Variants in RFX1 observed in about 807,000 individuals in gnomAD.
RFX1 encodes MHC class II regulatory factor RFX1.
Under a neutral mutation model 119.6 loss-of-function variants are expected in RFX1, and 42 were observed. The ratio of observed to expected loss-of-function variants is 0.35; its 90% CI spans 0.27 to 0.45. The LOEUF (loss-of-function observed/expected upper bound fraction) is 0.45, where lower values mean the gene tolerates loss of function less well. Ranked by LOEUF, RFX1 falls within the 20% of genes least tolerant of loss-of-function variation. The pLI is 1.00. For synonymous variants in RFX1, 628 were observed against 618.5 expected, an observed-to-expected ratio of 1.02 and a Z score of -0.23; for missense variants, 1,118 against 1,368.1, an observed-to-expected ratio of 0.82 and a Z score of 2.88.
intron 18 of RFX1, 96 bp downstream of exon 18, chr19:13,963,442 C>G: frequency 7.0e-7 from 1 of 1,433,680 alleles, no homozygotes; most frequent in Non-Finnish European, 9.4e-7. Flanking sequence ...CCCGCCCAGC[C>G]TGCAGGCTCG....
chr19:13,972,848 G>A lies in RFX1; in HGVS notation c.1209C>T (p.Thr403=), dbSNP rs375616246. 2.9e-5 allele frequency: 46 copies of A among 1,576,696 alleles called. No individual in the cohort carries two copies. The highest frequency in any genetic ancestry group is 5.4e-5 in the African/African-American group (4 of 73,938). Reference sequence around the variant, plus strand: ...TGCCTGCTCCGCTGCCGCCGCCTCCGGTGCTGCCACTGCCACCCCCGCCAC... The same window carrying A: ...TGCCTGCTCCGCTGCCGCCGCCTCCAGTGCTGCCACTGCCACCCCCGCCAC... ...GGGGGGGSGS[T]GGGGSGAGTY... The change falls in exon 9 of 21, where the codon ACC becomes ACT. Residue 403 remains threonine, a synonymous_variant. Transcript: ENST00000254325.
intron 2 of RFX1, among the ~76,000 whole-genome samples, chr19:13,987,340 A>G (rs1418613861): frequency 6.6e-6 from 1 of 152,136 alleles, no homozygotes; most frequent in Non-Finnish European, 1.5e-5. Context: ...AGTCACCTTT[A>G]GGCAGGGCAG....
chr19:13,989,147 G>A (rs1210094021), intron 2 of RFX1, among the ~76,000 whole-genome samples: 1 of 152,112 alleles, frequency 6.6e-6, no homozygotes, highest in African/African-American at 2.4e-5. Context: ...GAGGGTCTGG[G>A]GCAGGGAGTG....
In RFX1 at chr19:14,002,314, C is replaced by CAA. The variant is rs753879311; in HGVS notation, c.-53+3787_-53+3788dup. 1.4e-3 allele frequency among the ~76,000 whole-genome samples: 80 copies of CAA among 55,660 alleles called. 1 individual carries two copies. The highest frequency in any genetic ancestry group is 4.8e-3 in the African/African-American group (69 of 14,512). 36.5% of individuals were successfully genotyped at this position (55,660 alleles called of 152,430 possible). ...TGGATGACAGAGTGAGACTCTGTCTCAAAAAAAAAAAAAAAAAAAAATTAG... is the reference window on the plus strand; with the variant it reads ...TGGATGACAGAGTGAGACTCTGTCTCAAAAAAAAAAAAAAAAAAAAAAATTAG... On this transcript the variant is annotated intron_variant, in intron 1 of 20. Transcript: ENST00000254325.
At chr19:13,982,848 G>A (rs989130072) in intron 4 of RFX1, among the ~76,000 whole-genome samples, 5 of 152,230 alleles carry the variant, frequency 3.3e-5, no homozygotes, top group African/African-American at 1.2e-4. Flanking sequence ...GCAGCCTTCT[G>A]GGGGACAGAC....
rs878953855 is a variant in RFX1 at position 13,993,910 on chromosome 19, C to T, written c.-52-15G>A. On this transcript the variant is annotated splice_polypyrimidine_tract_variant and intron_variant, in intron 1 of 20. Transcript: ENST00000254325. ...TTTTTTAATTCCTTGGGAAGAAAGA[C>T]GGGGATGGGGGAGAGAAAAACAAAA... 5.2e-5 allele frequency: 65 copies of T among 1,257,290 alleles called. 2 individuals carry two copies. In the South Asian group the frequency reaches 6.5e-4, roughly 13 times the overall value. The allele number at this position is 1,257,290 out of a possible 1,614,324, so 77.9% of individuals were successfully genotyped here. A position where few individuals can be genotyped will look rare whatever the true frequency, so the allele number is the denominator to read the frequency against.
Position 14,003,873 on chromosome 19 carries a change from A to G in RFX1, c.-53+2230T>C, listed in dbSNP as rs1014595672. ...GTAACTGGTGACTGAGGCAGTCAAC[A>G]TGACCAGATAATTGGTAACATCACT... is the stretch of plus-strand genomic sequence containing the variant. On this transcript the variant is annotated intron_variant, in intron 1 of 20. Coordinates refer to ENST00000254325, the MANE Select transcript of RFX1 (RefSeq NM_002918.5). Among the ~76,000 whole-genome samples the G allele has an allele frequency of 2.6e-5, 4 of 151,738 alleles. No individual in the cohort carries two copies. In the South Asian group the frequency reaches 6.2e-4, roughly 24 times the overall value.
At chr19:13,995,929 G>A (rs1416748124) in intron 1 of RFX1, among the ~76,000 whole-genome samples, 2 of 151,822 alleles carry the variant, frequency 1.3e-5, no homozygotes, top group Non-Finnish European at 2.9e-5. Context: ...TCAGGAGGCT[G>A]AGGTGGGAGA....
chr19:13,984,304 C>T (rs1446655109), intron 2 of RFX1, among the ~76,000 whole-genome samples: 4 of 150,784 alleles, frequency 2.7e-5, no homozygotes, highest in South Asian at 2.1e-4. Flanking sequence ...TATAGAACAG[C>T]AGGGTGTGCA....
In RFX1 at chr19:13,980,570, C is replaced by T. The variant is rs1274499347; in HGVS notation, c.738+3G>A. On this transcript the variant is annotated splice_donor_region_variant and intron_variant, in intron 6 of 20. Coordinates refer to ENST00000254325, the MANE Select transcript of RFX1 (RefSeq NM_002918.5). The surrounding 1 kb of genome is among the most constrained non-coding windows in gnomAD (Gnocchi z 5.1). Reference sequence around the variant, plus strand: ...CGAGCCACTGCCCGCCTTGGCCTGGCACCTCTTGGGTGACGGGGACACTCT... The same window carrying T: ...CGAGCCACTGCCCGCCTTGGCCTGGTACCTCTTGGGTGACGGGGACACTCT... 6.4e-7 allele frequency: 1 copy of T among 1,557,962 alleles called. No homozygotes were observed. Among genetic ancestry groups the T allele is most frequent in the Non-Finnish European group, 8.6e-7 (1 of 1,156,594 alleles).
chr19:13,980,836 G>C lies in RFX1; in HGVS notation c.622-147C>G. On this transcript the variant is annotated intron_variant, in intron 5 of 20. Transcript: ENST00000254325. This position sits in a 1 kb window ranked among gnomAD's most constrained non-coding sequence, Gnocchi z 5.1. ...ATCCCAACCACCGAGGCTGGTAACT[G>C]ACCGCGTCCCACGCATCCAAATGCC... 1.7e-6 allele frequency: 1 copy of C among 576,840 alleles called. No homozygotes were observed. Among genetic ancestry groups the C allele is most frequent in the Middle Eastern group, 3.1e-4 (1 of 3,198 alleles). The allele number at this position is 576,840 out of a possible 1,614,324, so 35.7% of individuals were successfully genotyped here.
intron 1 of RFX1, among the ~76,000 whole-genome samples, chr19:14,001,481 T>G (rs1975213494): frequency 2.0e-5 from 3 of 152,152 alleles, no homozygotes. Flanking sequence ...TTAAATCTTT[T>G]TAAGAGATGG....
In RFX1 at chr19:13,964,019, G is replaced by T; in HGVS notation, c.2212-12C>A. 2 of 1,530,514 alleles carry T rather than the reference G, an allele frequency of 1.3e-6. No individual in the cohort carries two copies. Among genetic ancestry groups the T allele is most frequent in the Non-Finnish European group, 8.7e-7 (1 of 1,144,342 alleles). 94.8% of individuals were successfully genotyped at this position (1,530,514 alleles called of 1,614,324 possible). On this transcript the variant is annotated splice_polypyrimidine_tract_variant and intron_variant, in intron 16 of 20. Coordinates refer to ENST00000254325, the MANE Select transcript of RFX1 (RefSeq NM_002918.5). ...CCAGCCGCGGCCACCTGCGTGCAGGGATTGAGGGGCTTGCTGCTTCCAAGG... is the reference window on the plus strand; with the variant it reads ...CCAGCCGCGGCCACCTGCGTGCAGGTATTGAGGGGCTTGCTGCTTCCAAGG...
At position 13,972,955 on chromosome 19, in the gene RFX1, T is replaced by C. The variant is rs1420452117; in HGVS notation, c.1102A>G (p.Ser368Gly). The C allele has an allele frequency of 6.3e-7, 1 of 1,599,254 alleles. No homozygotes were observed. The highest frequency in any genetic ancestry group is 8.5e-7 in the Non-Finnish European group (1 of 1,179,462). The change falls in exon 9 of 21, where the codon AGC (serine) becomes GGC (glycine). Residue 368 changes from serine to glycine, a missense_variant. Physicochemically the swap from Ser to Gly is moderately conservative, Grantham distance 56 (BLOSUM62 0). Transcript: ENST00000254325. ...MYVSGSQVVA[S>G]STSTGAGASN... is the part of the protein sequence containing the mutation. ...GCCCCAGCCCCAGTGCTGGTGGAGC[T>C]GGCGACGACCTGGCTGCCGGACACG...
At position 13,969,896 on chromosome 19, in the gene RFX1, G is replaced by C; in HGVS notation, c.1496+98C>G. ...AGCCTCGCAGAGGCCGGCGGGACTGGGCTGGACTGGACTGCCTGAGATGAC... is the reference window on the plus strand; with the variant it reads ...AGCCTCGCAGAGGCCGGCGGGACTGCGCTGGACTGGACTGCCTGAGATGAC... On this transcript the variant is annotated intron_variant, in intron 10 of 20. Transcript: ENST00000254325. The surrounding 1 kb of genome is among the most constrained non-coding windows in gnomAD (Gnocchi z 4.5). 7.8e-7 allele frequency: 1 copy of C among 1,282,920 alleles called. No individual in the cohort carries two copies. The highest frequency in any genetic ancestry group is 1.1e-6 in the Non-Finnish European group (1 of 934,622). 79.5% of individuals were successfully genotyped at this position (1,282,920 alleles called of 1,614,324 possible).
At chr19:13,984,548 G>A (rs539923905) in intron 2 of RFX1, among the ~76,000 whole-genome samples, 6 of 152,196 alleles carry the variant, frequency 3.9e-5, no homozygotes, top group South Asian at 2.1e-4. Flanking sequence ...GGGTAGAGGC[G>A]AGTGTTCCCA....
chr19:13,964,567 C>T (rs182697751), intron 16 of RFX1, among the ~76,000 whole-genome samples: 1 of 152,246 alleles, frequency 6.6e-6, no homozygotes, highest in East Asian at 1.9e-4. Context: ...CTGCATCCTC[C>T]GCCTCGTGGG....
intron 6 of RFX1, 144 bp from the exon 7 acceptor site, chr19:13,979,686 C>G: frequency 2.1e-6 from 1 of 484,030 alleles, no homozygotes; most frequent in Non-Finnish European, 3.6e-6. Flanking sequence ...AAGGAGGGTG[C>G]TGGATCCATT....
chr19:13,973,195 T>C, intron 8 of RFX1, 68 bp from the exon 9 acceptor site: 1 of 480,352 alleles, frequency 2.1e-6, no homozygotes, highest in Non-Finnish European at 3.4e-6. Context: ...GGCATGACTG[T>C]GCAGGAAGGG....
Sources: gnomAD v4.1 joint callset for allele counts (sites outside exome capture counted in the v4.1 genomes callset) on GRCh38, gnomAD v4.1.1 for gene constraint, Gnocchi (gnomAD v3.1) non-coding constraint, MANE v1.5 for transcripts, NCBI Gene and HGNC (gene_info 2026-07-23, HGNC 2026-07-21) for gene names.